PRRC2B: variants seen among roughly 807,000 people sequenced by gnomAD.
The protein encoded by PRRC2B is protein PRRC2B.
A neutral mutation model predicts 242.3 loss-of-function variants in PRRC2B; 68 were observed. The ratio of observed to expected loss-of-function variants is 0.28; its 90% CI spans 0.23 to 0.34. PRRC2B has a LOEUF of 0.34. Among genes scored for constraint, PRRC2B ranks in the 10% least tolerant of loss-of-function variants. The pLI, the probability that PRRC2B is intolerant of heterozygous loss-of-function variation, is 1.00. For missense variants in PRRC2B, 2,835 were observed against 2,954.8 expected (o/e 0.96, Z 0.94); for synonymous variants, 1,228 against 1,173.6 (o/e 1.05, Z -0.95).
chr9:131,492,036 C>A, intron 29 of PRRC2B, 133 bp from the exon 30 acceptor site: 1 of 694,434 alleles, frequency 1.4e-6, no homozygotes, highest in Non-Finnish European at 2.5e-6. Context: ...TGCCAAAAAC[C>A]ACTGCTCTAT....
At chr9:131,442,614 G>T (rs530448911) in intron 5 of PRRC2B, among the ~76,000 whole-genome samples, 1 of 152,294 alleles carries the variant, frequency 6.6e-6, no homozygotes, top group South Asian at 2.1e-4. Flanking sequence ...TTCCGGCACA[G>T]TCGGCTTTAG....
At chr9:131,485,793 T>C (rs768288119) in intron 25 of PRRC2B, 1 of 679,992 alleles carries the variant, frequency 1.5e-6, no homozygotes, top group Admixed American at 1.8e-5. Context: ...TTCGAGTGTC[T>C]GGGGTAGTTG....
intron 11 of PRRC2B, 80 bp downstream of exon 11, chr9:131,459,436 G>A (rs1444721017): frequency 8.7e-7 from 1 of 1,151,908 alleles, no homozygotes; most frequent in Non-Finnish European, 1.2e-6. Context: ...TCCTAAGTGG[G>A]CATTTCTTTT....
At position 131,424,230 on chromosome 9, in the gene PRRC2B, C is replaced by T. The variant is rs532757748; in HGVS notation, c.-51-5864C>T. On this transcript the variant is annotated intron_variant, in intron 1 of 31. Transcript: ENST00000683519. ...GTGCTGGGATTACAAGCGTGAGCCC[C>T]GGCGCCTGGGTAGTAAACCATTATT... 2.6e-5 allele frequency among the ~76,000 whole-genome samples: 4 copies of T among 152,286 alleles called. No homozygotes were observed. The East Asian group carries it at 7.7e-4, about 29-fold the overall frequency.
Position 131,446,266 on chromosome 9 carries a change from C to T in PRRC2B, c.614-135C>T, listed in dbSNP as rs896811668. ...ACCTTCCCTGACAGATTTAACAGTTCTTCACTTTTGGTGTTTTTTGTTTTT... is the reference window on the plus strand; with the variant it reads ...ACCTTCCCTGACAGATTTAACAGTTTTTCACTTTTGGTGTTTTTTGTTTTT... On this transcript the variant is annotated intron_variant, in intron 6 of 31. Transcript: ENST00000683519. This position sits in a 1 kb window ranked among gnomAD's most constrained non-coding sequence, Gnocchi z 4.1. 2.7e-6 allele frequency: 3 copies of T among 1,099,860 alleles called. No homozygotes were observed. In the East Asian group the frequency reaches 7.6e-5, roughly 28 times the overall value. The allele number at this position is 1,099,860 out of a possible 1,614,324, so 68.1% of individuals were successfully genotyped here.
intron 1 of PRRC2B, among the ~76,000 whole-genome samples, chr9:131,401,336 C>T (rs546686718): frequency 1.8e-4 from 27 of 152,100 alleles, no homozygotes; most frequent in Admixed American, 1.7e-3. Context: ...GATGCCAACT[C>T]CCCTCCCCCA....
In PRRC2B at chr9:131,482,865, C is replaced by T. The variant is rs143715764; in HGVS notation, c.5331C>T (p.Ser1777=). The T allele has an allele frequency of 1.8e-4, 290 of 1,608,380 alleles. 1 individual carries two copies. In the African/African-American group the frequency reaches 2.9e-3, roughly 16 times the overall value. ...ACGGGGTGGAGATTCACGTGGACTC[C>T]GTGCTGCCTGTGCCACCCATTGAAT... ...PVNGVEIHVD[S]VLPVPPIEFG... is the part of the protein sequence containing the mutation. Residue 1777 remains serine (S), a synonymous_variant, in exon 22 of 32, where the codon TCC becomes TCT. Transcript: ENST00000683519. The surrounding 1 kb of genome is among the most constrained non-coding windows in gnomAD (Gnocchi z 5.2).
At position 131,474,967 on chromosome 9, in the gene PRRC2B, C is replaced by T. The variant is rs776103687; in HGVS notation, c.2838C>T (p.Val946=). ...GGTCGGGACCCATCAAGAAACCAGT[C>T]CTGAAAGCCCTCAAGGTGGAAGACA... ...TRRSGPIKKP[V]LKALKVEDKE... The change falls in exon 16 of 32, where the codon GTC becomes GTT. Residue 946 remains valine (V), a synonymous_variant. Transcript: ENST00000683519. 28 of 1,596,968 alleles carry T rather than the reference C, an allele frequency of 1.8e-5. No homozygotes were observed. The highest frequency in any genetic ancestry group is 2.3e-5 in the Non-Finnish European group (27 of 1,172,122).
At position 131,482,702 on chromosome 9, in the gene PRRC2B, T is replaced by A; in HGVS notation, c.5176-8T>A. On this transcript the variant is annotated splice_polypyrimidine_tract_variant and splice_region_variant and intron_variant, in intron 21 of 31. Transcript: ENST00000683519. This position sits in a 1 kb window ranked among gnomAD's most constrained non-coding sequence, Gnocchi z 5.2. ...TGTGTGTCTCCACCTCTCTGCTTTT[T>A]TATCAAGGATTCAGAACAAGGCTCT... The A allele has an allele frequency of 1.3e-6, 2 of 1,557,708 alleles. No individual in the cohort carries two copies. The highest frequency in any genetic ancestry group is 8.7e-7 in the Non-Finnish European group (1 of 1,153,564).
Position 131,432,727 on chromosome 9 carries a change from A to C in PRRC2B, c.226A>C (p.Asn76His), listed in dbSNP as rs1336095697. Residue 76 changes from asparagine (N) to histidine (H), a missense_variant, in exon 3 of 32, where the codon AAC (asparagine) becomes CAC (histidine). By Grantham distance (68) the Asn-to-His change is moderately conservative. Coordinates refer to ENST00000683519, the MANE Select transcript of PRRC2B (RefSeq NM_013318.4). ...LKSENKGNDP[N>H]IVIVPKDGTG... ...GTCTGAAAACAAAGGAAACGACCCC[A>C]ACATCGTGATAGTACCCAAGGACGG... 6.2e-7 allele frequency: 1 copy of C among 1,614,076 alleles called. No individual in the cohort carries two copies. The highest frequency in any genetic ancestry group is 1.1e-5 in the South Asian group (1 of 91,086).
rs771332681 is a variant in PRRC2B at position 131,481,812 on chromosome 9, A to T, written c.4983+4A>T. ...CACCGAGACTGGCTCTGCGGAGGTG[A>T]GTGTGGCCGCTGCCCACATGCTGCC... On this transcript the variant is annotated splice_donor_region_variant and intron_variant, in intron 20 of 31. Transcript: ENST00000683519. 8 of 1,552,076 alleles carry T rather than the reference A, an allele frequency of 5.2e-6. No individual in the cohort carries two copies. Among genetic ancestry groups the T allele is most frequent in the Non-Finnish European group, 6.9e-6 (8 of 1,151,124 alleles).
chr9:131,429,426 GC>G (rs1170432722), intron 1 of PRRC2B, among the ~76,000 whole-genome samples: 1 of 152,220 alleles, frequency 6.6e-6, no homozygotes, highest in African/African-American at 2.4e-5. Flanking sequence ...GGATGGCATA[GC>G]CCCCATGTGG....
chr9:131,409,821 C>T (rs546502224), intron 1 of PRRC2B, among the ~76,000 whole-genome samples: 1 of 152,320 alleles, frequency 6.6e-6, no homozygotes, highest in African/African-American at 2.4e-5. Flanking sequence ...CTTTGTTTAT[C>T]TGGTTAGAAG....
At chr9:131,421,433 G>T (rs1378313586) in intron 1 of PRRC2B, among the ~76,000 whole-genome samples, 2 of 152,230 alleles carry the variant, frequency 1.3e-5, no homozygotes, top group Non-Finnish European at 2.9e-5. Flanking sequence ...AAACTGTCCA[G>T]TGGCCACGTC....
At chr9:131,490,970 C>T in intron 28 of PRRC2B, 1 of 269,394 alleles carries the variant, frequency 3.7e-6, no homozygotes, top group South Asian at 4.3e-5. Flanking sequence ...GAGTGTCCTG[C>T]AGCTGTGTCC....
intron 6 of PRRC2B, among the ~76,000 whole-genome samples, chr9:131,445,204 AG>A (rs1838756070): frequency 6.6e-6 from 1 of 150,932 alleles, no homozygotes; most frequent in Non-Finnish European, 1.5e-5. Flanking sequence ...CTTGTTGCCC[AG>A]GGTGGAGTGC....
intron 11 of PRRC2B, among the ~76,000 whole-genome samples, chr9:131,461,867 T>A (rs1211752509): frequency 6.6e-6 from 1 of 152,210 alleles, no homozygotes. Flanking sequence ...CACATTCTTA[T>A]AAAATGAAAA....
At position 131,485,100 on chromosome 9, in the gene PRRC2B, C is replaced by G. The variant is rs747841263; in HGVS notation, c.5718C>G (p.Pro1906=). The change falls in exon 25 of 32, where the codon CCC becomes CCG. Residue 1906 remains proline, a synonymous_variant. Transcript: ENST00000683519. ...YSSFGGVSMP[P]MPVASVAPSA... is the part of the protein sequence containing the mutation. ...CCTTCGGTGGAGTGTCCATGCCACC[C>G]ATGCCTGTGGCCTCTGTAGCACCTT... 13 of 1,601,636 alleles carry G rather than the reference C, an allele frequency of 8.1e-6. No individual in the cohort carries two copies. In the East Asian group the frequency reaches 2.9e-4, roughly 36 times the overall value.
chr9:131,497,526 C>CA lies in PRRC2B; in HGVS notation c.*1653dup, dbSNP rs1944365899. 1 of 152,258 alleles carries CA rather than the reference C, an allele frequency of 6.6e-6. No individual in the cohort carries two copies. The highest frequency in any genetic ancestry group is 2.1e-4 in the South Asian group (1 of 4,824). 9.4% of individuals were successfully genotyped at this position (152,258 alleles called of 1,614,324 possible). Reference sequence around the variant, plus strand: ...CCTTCAGCGTCTCACGGGTGCAGGACAGCGCTCAGGCTTGGGCTCTAAGCT... The same window carrying CA: ...CCTTCAGCGTCTCACGGGTGCAGGACAAGCGCTCAGGCTTGGGCTCTAAGCT... On this transcript the variant is annotated 3_prime_UTR_variant, in exon 32 of 32. Transcript: ENST00000683519.
Sources: allele counts gnomAD v4.1 joint callset (sites outside exome capture counted in the v4.1 genomes callset), GRCh38; gene constraint gnomAD v4.1.1; non-coding constraint Gnocchi (gnomAD v3.1); transcripts MANE v1.5; gene names NCBI Gene and HGNC (gene_info 2026-07-23, HGNC 2026-07-21).